SWAP70: variants seen among roughly 807,000 people sequenced by gnomAD.
SWAP70 encodes switching B cell complex subunit SWAP70, also known as switch-associated protein 70.
SWAP70 carries 34 observed loss-of-function variants against 80.2 expected under a neutral mutation model. The observed-to-expected ratio is 0.42, with a 90% confidence interval of 0.32 to 0.56. The LOEUF is 0.56. Ranked by LOEUF, SWAP70 falls within the 20% of genes least tolerant of loss-of-function variation. The pLI, the probability that SWAP70 is intolerant of heterozygous loss-of-function variation, is 0.09. For synonymous variants in SWAP70, 239 were observed against 238.5 expected (o/e 1.00, Z -0.02); for missense variants, 578 against 690.7 (o/e 0.84, Z 1.83).
chr11:9,722,290 C>T (rs923274686), intron 3 of SWAP70, among the ~76,000 whole-genome samples: 2 of 152,188 alleles, frequency 1.3e-5, no homozygotes, highest in East Asian at 1.9e-4. Flanking sequence ...TGAGGTACCA[C>T]GCTGAGCTTT....
intron 1 of SWAP70, among the ~76,000 whole-genome samples, chr11:9,673,627 A>T (rs1341324125): frequency 6.6e-6 from 1 of 152,210 alleles, no homozygotes. Flanking sequence ...GTCTGTTCAG[A>T]TTCTTCTTGG....
At chr11:9,676,574 A>C (rs1303209761) in intron 1 of SWAP70, among the ~76,000 whole-genome samples, 1 of 152,140 alleles carries the variant, frequency 6.6e-6, no homozygotes, top group African/African-American at 2.4e-5. Context: ...AATGCTGTGT[A>C]AATAGTTGTT....
intron 3 of SWAP70, chr11:9,720,624 A>C (rs1851122036): frequency 8.1e-6 from 3 of 371,576 alleles, no homozygotes; most frequent in Non-Finnish European, 1.1e-5. Context: ...CTTGCTACTA[A>C]AACTTCGACT....
chr11:9,726,816 G>A (rs1590040706), intron 4 of SWAP70: 1 of 453,606 alleles, frequency 2.2e-6, no homozygotes, highest in South Asian at 1.6e-5. Flanking sequence ...AGGCCAGTCT[G>A]TGGGAAGGAA....
chr11:9,742,904 T>C (rs974773109), intron 9 of SWAP70, among the ~76,000 whole-genome samples: 10 of 151,276 alleles, frequency 6.6e-5, no homozygotes, highest in Non-Finnish European at 1.5e-4. Flanking sequence ...TTTTTTAATT[T>C]TATTATTATT....
At chr11:9,743,751 C>G (rs7940826) in intron 9 of SWAP70, among the ~76,000 whole-genome samples, 14,972 of 151,736 alleles carry the variant, frequency 0.099, 1,877 homozygotes, top group East Asian at 0.28. Flanking sequence ...GGGGTTGTTT[C>G]TTTTTTTCTT....
intron 1 of SWAP70, among the ~76,000 whole-genome samples, chr11:9,693,707 A>G (rs1281042873): frequency 6.6e-6 from 1 of 152,198 alleles, no homozygotes; most frequent in Non-Finnish European, 1.5e-5. Flanking sequence ...CTCCTTGTCC[A>G]GAACCCCTGG....
chr11:9,667,617 C>T (rs144763531), intron 1 of SWAP70, among the ~76,000 whole-genome samples: 30 of 152,114 alleles, frequency 2.0e-4, no homozygotes, highest in Non-Finnish European at 3.7e-4. Context: ...GGCTGGAATG[C>T]GGTGGCGCGA....
intron 9 of SWAP70, among the ~76,000 whole-genome samples, chr11:9,742,486 A>G (rs1439051754): frequency 6.6e-6 from 1 of 151,572 alleles, no homozygotes; most frequent in Non-Finnish European, 1.5e-5. Context: ...ACAGGCGCGC[A>G]CCACCACACC....
At chr11:9,743,550 C>T (rs1211725214) in intron 9 of SWAP70, among the ~76,000 whole-genome samples, 3 of 151,540 alleles carry the variant, frequency 2.0e-5, no homozygotes, top group Admixed American at 1.3e-4. Context: ...TCCACATCCT[C>T]TCTAGCACCT....
At chr11:9,731,657 GATT>G (rs1415122572) in intron 6 of SWAP70, among the ~76,000 whole-genome samples, 1 of 152,180 alleles carries the variant, frequency 6.6e-6, no homozygotes, top group Non-Finnish European at 1.5e-5. Flanking sequence ...CTGTGAGATA[GATT>G]AAATAAAAAA....
chr11:9,681,055 G>T, intron 1 of SWAP70: 1 of 156,922 alleles, frequency 6.4e-6, no homozygotes. Context: ...CCAATGCTGT[G>T]TGCTCAGTCA....
chr11:9,705,450 C>T (rs1295166236), intron 2 of SWAP70, among the ~76,000 whole-genome samples: 3 of 122,746 alleles, frequency 2.4e-5, no homozygotes, highest in African/African-American at 1.2e-4. Context: ...GATCTGTATA[C>T]ACTGGTGATC....
intron 1 of SWAP70, among the ~76,000 whole-genome samples, chr11:9,671,409 AAT>A (rs1209586652): frequency 4.0e-5 from 4 of 100,336 alleles, no homozygotes; most frequent in Non-Finnish European, 6.9e-5. Context: ...AATATATAAA[AAT>A]ATATTTATAA....
intron 3 of SWAP70, among the ~76,000 whole-genome samples, chr11:9,714,705 GC>G (rs1851042170): frequency 6.6e-6 from 1 of 152,080 alleles, no homozygotes; most frequent in African/African-American, 2.4e-5. Context: ...AAAGCAAAGG[GC>G]ATGTTCTAAA....
chr11:9,742,985 G>A (rs1851461865), intron 9 of SWAP70, among the ~76,000 whole-genome samples: 1 of 149,736 alleles, frequency 6.7e-6, no homozygotes, highest in African/African-American at 2.5e-5. Context: ...TGCCATGCTG[G>A]TGTGCTACAC....
chr11:9,693,315 T>C (rs1056234805), intron 1 of SWAP70, among the ~76,000 whole-genome samples: 16 of 152,236 alleles, frequency 1.1e-4, no homozygotes, highest in Non-Finnish European at 5.9e-5. Context: ...ACAAGATTAA[T>C]ACTAAGGTAG....
intron 9 of SWAP70, among the ~76,000 whole-genome samples, chr11:9,747,095 T>A (rs534539950): frequency 6.6e-6 from 1 of 152,236 alleles, no homozygotes; most frequent in Non-Finnish European, 1.5e-5. Context: ...TTTGGCTGTT[T>A]GTTAGTTTAT....
At chr11:9,722,603 G>T (rs1039231831) in intron 3 of SWAP70, among the ~76,000 whole-genome samples, 2 of 152,166 alleles carry the variant, frequency 1.3e-5, no homozygotes, top group South Asian at 2.1e-4. Flanking sequence ...CGCATGCTTC[G>T]TTTTGAGTAG....
Sources: allele counts gnomAD v4.1 joint callset (sites outside exome capture counted in the v4.1 genomes callset), GRCh38; gene constraint gnomAD v4.1.1; transcripts MANE v1.5; gene names NCBI Gene and HGNC (gene_info 2026-07-23, HGNC 2026-07-21).